The following MOCOS variants were observed in gnomAD, a reference collection of about 807,000 sequenced individuals.
MOCOS encodes molybdenum cofactor sulfurase.
A neutral mutation model predicts 83.6 loss-of-function variants in MOCOS; 86 were observed. The observed-to-expected ratio is 1.03, with a 90% CI of 0.86 to 1.23. MOCOS has a LOEUF of 1.23. MOCOS is among the 50% of genes most tolerant of loss of function. MOCOS has a pLI of 0.00. For missense variants in MOCOS, 1,120 were observed against 1,126.9 expected (o/e 0.99, Z 0.09); for synonymous variants, 445 against 434.7 (o/e 1.02, Z -0.29).
rs533286818 is a variant in MOCOS at position 36,204,981 on chromosome 18, A to G, written c.1019-96A>G. The G allele has an allele frequency of 1.9e-4, 193 of 1,043,060 alleles. 3 individuals carry two copies. The African/African-American group carries it at 3.4e-3, about 19-fold the overall frequency. 64.6% of individuals were successfully genotyped at this position (1,043,060 alleles called of 1,614,324 possible). On this transcript the variant is annotated intron_variant, in intron 5 of 14. Coordinates refer to ENST00000261326, the MANE Select transcript of MOCOS (RefSeq NM_017947.4). ...GCACTCCAGCCTGGGTGACAGAGTGAGTGAGACCGTGTCTCAAAAAAAAAA... is the reference window on the plus strand; with the variant it reads ...GCACTCCAGCCTGGGTGACAGAGTGGGTGAGACCGTGTCTCAAAAAAAAAA...
intron 9 of MOCOS, among the ~76,000 whole-genome samples, chr18:36,247,473 T>C (rs571992967): frequency 1.3e-5 from 2 of 152,278 alleles, no homozygotes; most frequent in East Asian, 3.9e-4. Context: ...GTGGCCCCTC[T>C]CCAATTCCAC....
At chr18:36,229,999 G>A (rs1455894164) in intron 9 of MOCOS, among the ~76,000 whole-genome samples, 4 of 151,968 alleles carry the variant, frequency 2.6e-5, no homozygotes, top group Non-Finnish European at 5.9e-5. Flanking sequence ...GTCAGTTGCT[G>A]GAAATTTATC....
At chr18:36,206,999 G>T (rs766493342) in intron 6 of MOCOS, among the ~76,000 whole-genome samples, 2 of 152,178 alleles carry the variant, frequency 1.3e-5, no homozygotes, top group Non-Finnish European at 2.9e-5. Context: ...GTATATACCA[G>T]TAATTTAATT....
At chr18:36,261,490 A>G (rs1452368588) in intron 13 of MOCOS, among the ~76,000 whole-genome samples, 1 of 152,210 alleles carries the variant, frequency 6.6e-6, no homozygotes, top group Admixed American at 6.5e-5. Context: ...GCTACCTTGT[A>G]TTCAGGCTCT....
Position 36,195,352 on chromosome 18 carries a change from G to GAAA in MOCOS, c.232+9_232+11dup, listed in dbSNP as rs2091382945. On this transcript the variant is annotated splice_region_variant and intron_variant, in intron 2 of 14. Transcript: ENST00000261326. ...TCTCATGGAAAACACTTATGGTAAA[G>GAAA]AAAAACACCTGAAACAGGTTTTAGT... The GAAA allele has an allele frequency of 6.2e-7, 1 of 1,611,316 alleles. No homozygotes were observed. Among genetic ancestry groups the GAAA allele is most frequent in the Non-Finnish European group, 8.5e-7 (1 of 1,177,562 alleles).
At chr18:36,260,271 C>A in intron 13 of MOCOS, 96 bp downstream of exon 13, 1 of 1,507,182 alleles carries the variant, frequency 6.6e-7, no homozygotes, top group African/African-American at 1.4e-5. Context: ...GGACTCCCTC[C>A]CAGTCCTTGT....
chr18:36,204,265 CT>C (rs2091426061), intron 5 of MOCOS, among the ~76,000 whole-genome samples: 3 of 152,026 alleles, frequency 2.0e-5, no homozygotes, highest in Admixed American at 6.6e-5. Flanking sequence ...CTTGGAACTA[CT>C]TTTTTTTCTC....
chr18:36,193,385 C>T (rs2091374533), intron 1 of MOCOS, among the ~76,000 whole-genome samples: 1 of 133,150 alleles, frequency 7.5e-6, no homozygotes, highest in Admixed American at 7.8e-5. Context: ...GTGATATTGG[C>T]ATAAGTATAC....
chr18:36,200,015 A>G lies in MOCOS; in HGVS notation c.632A>G (p.Tyr211Cys). 1 of 1,614,042 alleles carries G rather than the reference A, an allele frequency of 6.2e-7. No individual in the cohort carries two copies. Residue 211 changes from tyrosine (Y) to cysteine (C), a missense_variant, in exon 4 of 15, where the codon TAC becomes TGC. Transcript: ENST00000261326. The stretch of plus-strand genomic sequence containing the variant: ...CAGAGTAACTTTTCTGGAGTCAGAT[A>G]CCCCCTGTCCTGGATAGAAGAGGTC... ...PAQSNFSGVR[Y>C]PLSWIEEVKS...
chr18:36,193,797 AC>A (rs769728485), intron 1 of MOCOS, among the ~76,000 whole-genome samples: 1 of 152,232 alleles, frequency 6.6e-6, no homozygotes, highest in African/African-American at 2.4e-5. Flanking sequence ...TGAAAGGACA[AC>A]CCACCAAATG....
At chr18:36,267,123 TTC>T (rs2091684598) in intron 14 of MOCOS, among the ~76,000 whole-genome samples, 1 of 152,190 alleles carries the variant, frequency 6.6e-6, no homozygotes, top group South Asian at 2.1e-4. Flanking sequence ...AAACAAGTAA[TTC>T]TGTTGTCTTG....
rs566012437 is a variant in MOCOS at position 36,213,262 on chromosome 18, A to G, written c.1219-104A>G. On this transcript the variant is annotated intron_variant, in intron 6 of 14. Coordinates refer to ENST00000261326, the MANE Select transcript of MOCOS (RefSeq NM_017947.4). ...TAGAGGACAATTCCAGGCTTGTATC[A>G]TCATTTTATTATTAGGAAAGAGAGG... The G allele has an allele frequency of 4.5e-6, 4 of 883,544 alleles. No individual in the cohort carries two copies. The East Asian group carries it at 7.4e-5, about 16-fold the overall frequency. 54.7% of individuals were successfully genotyped at this position (883,544 alleles called of 1,614,324 possible).
At chr18:36,244,415 A>G (rs2035218912) in intron 9 of MOCOS, among the ~76,000 whole-genome samples, 2 of 152,032 alleles carry the variant, frequency 1.3e-5, no homozygotes, top group African/African-American at 4.8e-5. Context: ...TTTAATTTCC[A>G]TGTCTTTGTA....
chr18:36,238,943 A>G (rs1210947799), intron 9 of MOCOS, among the ~76,000 whole-genome samples: 1 of 150,642 alleles, frequency 6.6e-6, no homozygotes. Context: ...TTTATCAGAG[A>G]CTAGGATTGC....
At chr18:36,210,532 G>T (rs2091450782) in intron 6 of MOCOS, among the ~76,000 whole-genome samples, 1 of 152,126 alleles carries the variant, frequency 6.6e-6, no homozygotes, top group Non-Finnish European at 1.5e-5. Flanking sequence ...TAGGTCATTG[G>T]TAACATAAGT....
intron 9 of MOCOS, among the ~76,000 whole-genome samples, chr18:36,247,443 C>A (rs1212149989): frequency 6.6e-6 from 1 of 152,148 alleles, no homozygotes; most frequent in East Asian, 1.9e-4. Flanking sequence ...CAAAGTCAAG[C>A]TAGGAGCTTC....
chr18:36,218,116 G>C (rs1220608506), intron 8 of MOCOS, among the ~76,000 whole-genome samples: 1 of 152,166 alleles, frequency 6.6e-6, no homozygotes, highest in African/African-American at 2.4e-5. Flanking sequence ...GCAGCAGGAG[G>C]GAGCTGCTGG....
intron 4 of MOCOS, 91 bp downstream of exon 4, chr18:36,200,415 G>T (rs2144901765): frequency 6.7e-7 from 1 of 1,503,344 alleles, no homozygotes; most frequent in Admixed American, 1.9e-5. Flanking sequence ...GGTGGGTCTG[G>T]CTTTGAGGGT....
intron 9 of MOCOS, among the ~76,000 whole-genome samples, chr18:36,241,677 T>C (rs1426578787): frequency 1.3e-5 from 2 of 152,252 alleles, no homozygotes; most frequent in Middle Eastern, 3.2e-3. Context: ...TGTGCTGCTC[T>C]AGCAGAGGTT....
Sources: gnomAD v4.1 joint callset for allele counts (sites outside exome capture counted in the v4.1 genomes callset) on GRCh38, gnomAD v4.1.1 for gene constraint, MANE v1.5 for transcripts, NCBI Gene and HGNC (gene_info 2026-07-23, HGNC 2026-07-21) for gene names.